GXYLT2: variants seen among roughly 807,000 people sequenced by gnomAD.
The protein encoded by GXYLT2 is glucoside xylosyltransferase 2, also known as glycosyltransferase 8 domain containing 4.
GXYLT2 carries 53 observed loss-of-function variants against 45.8 expected under a neutral mutation model. The observed-to-expected ratio is 1.16, with a 90% CI of 0.93 to 1.46. The LOEUF (loss-of-function observed/expected upper bound fraction) is 1.46. Ranked by LOEUF, GXYLT2 falls within the 40% of genes most tolerant of loss-of-function variation. The pLI, the probability that GXYLT2 is intolerant of heterozygous loss-of-function variation, is 0.00. For synonymous variants in GXYLT2, 219 were observed against 214.2 expected (o/e 1.02, Z -0.19); for missense variants, 551 against 544.4 (o/e 1.01, Z -0.12).
At chr3:72,947,522 G>A (rs549007296) in intron 3 of GXYLT2, among the ~76,000 whole-genome samples, 66 of 152,122 alleles carry the variant, frequency 4.3e-4, no homozygotes, top group Non-Finnish European at 8.2e-4. Flanking sequence ...AGTGAAGACC[G>A]GGCACAGTGG....
At chr3:72,937,943 T>C (rs1314154379) in intron 3 of GXYLT2, among the ~76,000 whole-genome samples, 1 of 152,166 alleles carries the variant, frequency 6.6e-6, no homozygotes, top group African/African-American at 2.4e-5. Flanking sequence ...CTCAGGAGCA[T>C]GTAAGCCCTC....
chr3:72,909,857 T>C, intron 2 of GXYLT2, among the ~76,000 whole-genome samples: 1 of 152,154 alleles, frequency 6.6e-6, no homozygotes, highest in African/African-American at 2.4e-5. Flanking sequence ...TGCTGTATCC[T>C]GTCACCAGGC....
At chr3:72,937,171 C>T (rs1224765373) in intron 3 of GXYLT2, among the ~76,000 whole-genome samples, 1 of 152,046 alleles carries the variant, frequency 6.6e-6, no homozygotes. Flanking sequence ...CCACCAGTGA[C>T]TCTTGGAACC....
intron 1 of GXYLT2, among the ~76,000 whole-genome samples, chr3:72,901,010 C>T (rs1042224574): frequency 6.6e-6 from 1 of 151,588 alleles, no homozygotes; most frequent in South Asian, 2.1e-4. Context: ...AAAAATTGGC[C>T]GGGTATGGTG....
chr3:72,928,663 G>A (rs1163588011), intron 3 of GXYLT2, among the ~76,000 whole-genome samples: 1 of 151,980 alleles, frequency 6.6e-6, no homozygotes, highest in Non-Finnish European at 1.5e-5. Flanking sequence ...GACAATGCAG[G>A]TAAAACGTGC....
At chr3:72,915,354 T>TTTTGGGG (rs71126805) in intron 2 of GXYLT2, among the ~76,000 whole-genome samples, 1 of 33,482 alleles carries the variant, frequency 3.0e-5, no homozygotes, top group African/African-American at 1.6e-4. Flanking sequence ...TTTTTTTTTT[T>TTTTGGGG]GCGGGGGGGG....
chr3:72,939,195 A>T (rs1445190564), intron 3 of GXYLT2, among the ~76,000 whole-genome samples: 1 of 152,212 alleles, frequency 6.6e-6, no homozygotes, highest in Non-Finnish European at 1.5e-5. Context: ...ATGCATATTT[A>T]TTTTATTACA....
At chr3:72,917,753 A>G (rs113689133) in intron 2 of GXYLT2, among the ~76,000 whole-genome samples, 120 of 149,038 alleles carry the variant, frequency 8.1e-4, no homozygotes, top group Middle Eastern at 3.4e-3. Flanking sequence ...GTGAGGCCCC[A>G]TCTCAAAAAA....
chr3:72,953,012 A>G (rs1302557094), intron 3 of GXYLT2, among the ~76,000 whole-genome samples: 1 of 152,118 alleles, frequency 6.6e-6, no homozygotes, highest in Admixed American at 6.6e-5. Context: ...AAATAATGCT[A>G]CTACTAGCTA....
intron 3 of GXYLT2, among the ~76,000 whole-genome samples, chr3:72,938,219 G>A (rs1710227873): frequency 6.6e-6 from 1 of 152,214 alleles, no homozygotes; most frequent in South Asian, 2.1e-4. Context: ...ATGGGTGGAA[G>A]GAAAGATGGA....
intron 5 of GXYLT2, among the ~76,000 whole-genome samples, chr3:72,961,653 T>G (rs1710771682): frequency 2.2e-5 from 1 of 44,898 alleles, no homozygotes; most frequent in Admixed American, 2.8e-4. Flanking sequence ...TAATTTGAAT[T>G]CTTAGCAAAA....
intron 6 of GXYLT2, among the ~76,000 whole-genome samples, chr3:72,969,927 A>AAAAAAAAAAAAAAAAAAAAAAC (rs565563001): frequency 6.8e-6 from 1 of 146,342 alleles, no homozygotes; most frequent in African/African-American, 2.5e-5. Context: ...AAAAACAAAA[A>AAAAAAAAAAAAAAAAAAAAAAC]CATTTAAGGC....
At chr3:72,958,629 CTTTTTTTTTTT>C (rs760548760) in intron 5 of GXYLT2, among the ~76,000 whole-genome samples, 172 of 108,726 alleles carry the variant, frequency 1.6e-3, no homozygotes, top group African/African-American at 5.3e-3. Flanking sequence ...TCACTTGTGG[CTTTTTTTTTTT>C]TTTTTTTTTG....
intron 5 of GXYLT2, 134 bp downstream of exon 5, chr3:72,957,486 TGCCCTTTCATCCGCCCCCCTG>T: frequency 1.1e-6 from 1 of 889,700 alleles, no homozygotes; most frequent in Non-Finnish European, 1.6e-6. Context: ...CAGCGAAGTT[TGCCCTTTCATCCGCCCCCCTG>T]GGTATCTGAT....
chr3:72,942,527 A>G (rs991258939), intron 3 of GXYLT2, among the ~76,000 whole-genome samples: 1 of 152,158 alleles, frequency 6.6e-6, no homozygotes, highest in African/African-American at 2.4e-5. Context: ...AAAAAGGGGA[A>G]ATCCTTAGTT....
chr3:72,895,893 A>G (rs1282061045), intron 1 of GXYLT2, among the ~76,000 whole-genome samples: 2 of 152,210 alleles, frequency 1.3e-5, no homozygotes, highest in East Asian at 3.8e-4. Context: ...AGAGACTGTA[A>G]TCTCATATGG....
intron 1 of GXYLT2, among the ~76,000 whole-genome samples, chr3:72,900,782 A>G (rs974791238): frequency 2.6e-5 from 4 of 151,898 alleles, no homozygotes; most frequent in Non-Finnish European, 5.9e-5. Context: ...ACATCTATCC[A>G]TGTTATAAAT....
intron 3 of GXYLT2, 67 bp downstream of exon 3, chr3:72,922,402 T>C: frequency 6.7e-7 from 1 of 1,503,714 alleles, no homozygotes. Flanking sequence ...AGCTGAGATG[T>C]GTGTAGAAAC....
chr3:72,939,022 A>G (rs1222734938), intron 3 of GXYLT2, among the ~76,000 whole-genome samples: 5 of 152,200 alleles, frequency 3.3e-5, no homozygotes, highest in African/African-American at 1.2e-4. Context: ...ACAAAAATGA[A>G]TATGTAAGTT....
Sources: gnomAD v4.1 joint callset for allele counts (sites outside exome capture counted in the v4.1 genomes callset) on GRCh38, gnomAD v4.1.1 for gene constraint, MANE v1.5 for transcripts, NCBI Gene and HGNC (gene_info 2026-07-23, HGNC 2026-07-21) for gene names.